Variants in CSRP1 observed in about 807,000 individuals in gnomAD.
The protein encoded by CSRP1 is cysteine and glycine-rich protein 1.
In CSRP1, 16 loss-of-function variants were observed where a neutral mutation model predicts 25.4. The ratio of observed to expected loss-of-function variants is 0.63; its 90% CI spans 0.43 to 0.96. The LOEUF (loss-of-function observed/expected upper bound fraction) is 0.96, where lower values mean the gene tolerates loss of function less well. Among genes scored for constraint, CSRP1 ranks in the 40% least tolerant of loss-of-function variants. CSRP1 has a pLI of 0.00. For missense variants in CSRP1, 212 were observed against 243.6 expected, an observed-to-expected ratio of 0.87 and a Z score of 0.86; for synonymous variants, 97 against 95.3, an observed-to-expected ratio of 1.02 and a Z score of -0.10.
chr1:201,495,310 G>C (rs1318985727), intron 2 of CSRP1, among the ~76,000 whole-genome samples: 5 of 152,202 alleles, frequency 3.3e-5, no homozygotes, highest in Non-Finnish European at 5.9e-5. Context: ...TGAGGTGAGA[G>C]GATCATTTGA....
chr1:201,490,491 G>A, intron 2 of CSRP1, 147 bp from the exon 3 acceptor site: 1 of 781,026 alleles, frequency 1.3e-6, no homozygotes, highest in South Asian at 1.9e-5. Context: ...AATGGAGGCA[G>A]GCGGGATGGC....
Position 201,496,238 on chromosome 1 carries a change from C to G in CSRP1, c.66G>C (p.Glu22Asp). 1 of 1,614,246 alleles carries G rather than the reference C, an allele frequency of 6.2e-7. No homozygotes were observed. The highest frequency in any genetic ancestry group is 1.1e-5 in the South Asian group (1 of 91,086). Residue 22 changes from glutamate (E) to aspartate (D), a missense_variant, in exon 2 of 6, where the codon GAG becomes GAC. Coordinates refer to ENST00000340006, the MANE Select transcript of CSRP1 (RefSeq NM_004078.3). ...GGAAGCTGTTGCCTTCGCACTGAAC[C>G]TCTTCGGCAAAGTAAACCGTCTTCT... The part of the protein sequence containing the change: ...VCQKTVYFAE[E>D]VQCEGNSFHK...
chr1:201,494,094 C>T (rs1356182788), intron 2 of CSRP1, among the ~76,000 whole-genome samples: 2 of 152,036 alleles, frequency 1.3e-5, no homozygotes, highest in East Asian at 1.9e-4. Context: ...CCCCGCACCC[C>T]GCCAAGAGCC....
chr1:201,498,830 T>C lies in CSRP1; in HGVS notation c.-1-2526A>G, dbSNP rs528439410. ...GAGCCTGGCTCCTAGTGGAGGTGCT[T>C]GGTAAGCGTGTGCAGGCTGAGAGGC... On this transcript the variant is annotated intron_variant, in intron 1 of 5. Coordinates refer to ENST00000340006, the MANE Select transcript of CSRP1 (RefSeq NM_004078.3). Among the ~76,000 whole-genome samples the C allele has an allele frequency of 7.2e-5, 11 of 152,292 alleles. No homozygotes were observed. The South Asian group carries it at 2.3e-3, about 32-fold the overall frequency.
rs371899746 is a variant in CSRP1, at chr1:201,503,804, C to G, written c.-2+3266G>C. Reference sequence around the variant, plus strand: ...TTCTCTGCCCTCCCCTCAAGTTTTGCTAGCTCTCTCTTTCTCAAGCACGCT... The same window carrying G: ...TTCTCTGCCCTCCCCTCAAGTTTTGGTAGCTCTCTCTTTCTCAAGCACGCT... On this transcript the variant is annotated intron_variant, in intron 1 of 5. Transcript: ENST00000340006. Among the ~76,000 whole-genome samples, 7 of 152,128 alleles carry G rather than the reference C, an allele frequency of 4.6e-5. No homozygotes were observed. The East Asian group carries it at 9.6e-4, about 21-fold the overall frequency.
intron 1 of CSRP1, 199 bp from the exon 2 acceptor site, chr1:201,496,503 C>A (rs368827071): frequency 2.7e-5 from 16 of 602,400 alleles, no homozygotes; most frequent in African/African-American, 2.4e-4. Flanking sequence ...TTTCCTCCCC[C>A]CAATCTAATC....
chr1:201,501,751 G>A (rs531890811), intron 1 of CSRP1, among the ~76,000 whole-genome samples: 23 of 152,148 alleles, frequency 1.5e-4, no homozygotes, highest in Non-Finnish European at 2.4e-4. Flanking sequence ...CTTGCACTTT[G>A]GGAGGCTGAG....
intron 2 of CSRP1, 131 bp downstream of exon 2, chr1:201,496,061 G>A (rs1035688343): frequency 5.1e-5 from 35 of 691,824 alleles, no homozygotes; most frequent in Non-Finnish European, 6.1e-5. Flanking sequence ...GCCCAGCTGC[G>A]CTTCAGCCAA....
chr1:201,500,722 C>T (rs751264561), intron 1 of CSRP1, among the ~76,000 whole-genome samples: 9 of 152,372 alleles, frequency 5.9e-5, no homozygotes, highest in Admixed American at 1.3e-4. Flanking sequence ...CTGGAGGGAA[C>T]CCTGGCAACA....
chr1:201,493,814 C>A (rs1038004620), intron 2 of CSRP1, among the ~76,000 whole-genome samples: 4 of 152,170 alleles, frequency 2.6e-5, no homozygotes, highest in African/African-American at 9.7e-5. Flanking sequence ...CAGTGGGCAC[C>A]CTGAATGGGG....
chr1:201,499,565 C>T (rs896942637), intron 1 of CSRP1, among the ~76,000 whole-genome samples: 2 of 152,178 alleles, frequency 1.3e-5, no homozygotes, highest in Non-Finnish European at 2.9e-5. Context: ...GGCACCCACA[C>T]TGCCATGGAC....
At chr1:201,501,657 G>A (rs1473404560) in intron 1 of CSRP1, among the ~76,000 whole-genome samples, 1 of 152,102 alleles carries the variant, frequency 6.6e-6, no homozygotes, top group Non-Finnish European at 1.5e-5. Flanking sequence ...AGCAAAAGGA[G>A]AAGAAAAAGG....
intron 1 of CSRP1, among the ~76,000 whole-genome samples, chr1:201,505,554 A>G (rs2210732): frequency 0.59 from 89,605 of 151,744 alleles, 28,194 homozygotes; most frequent in Non-Finnish European, 0.71. Context: ...GGCCTTGCAG[A>G]CAGTTCTCTC....
chr1:201,487,106 A>G (rs1218471954), intron 4 of CSRP1: 3 of 670,494 alleles, frequency 4.5e-6, no homozygotes, highest in Non-Finnish European at 6.9e-6. Context: ...GTACTATCTC[A>G]TTTAATCATT....
chr1:201,503,649 T>C (rs1029713093), intron 1 of CSRP1, among the ~76,000 whole-genome samples: 11 of 152,176 alleles, frequency 7.2e-5, no homozygotes, highest in Non-Finnish European at 1.3e-4. Context: ...CACTTTACCA[T>C]ACATGGGAAT....
chr1:201,500,972 A>G (rs908697923), intron 1 of CSRP1, among the ~76,000 whole-genome samples: 13 of 152,238 alleles, frequency 8.5e-5, no homozygotes, highest in Admixed American at 5.2e-4. Flanking sequence ...GTACAGGTCA[A>G]TGGTTAGGAA....
chr1:201,483,670 C>G lies in CSRP1; in HGVS notation c.*1043G>C. On this transcript the variant is annotated 3_prime_UTR_variant, in exon 6 of 6. Transcript: ENST00000340006. ...GGTGAGGCCCAGCCCTTTCCCCTTC[C>G]TCCCACCACTATTCCTAACCTGGGG... 3.8e-6 allele frequency: 1 copy of G among 265,658 alleles called. No homozygotes were observed. Among genetic ancestry groups the G allele is most frequent in the Non-Finnish European group, 7.4e-6 (1 of 134,904 alleles). 16.5% of individuals were successfully genotyped at this position (265,658 alleles called of 1,614,324 possible).
At position 201,485,293 on chromosome 1, in the gene CSRP1, A is replaced by G. The variant is rs893421678; in HGVS notation, c.495T>C (p.Ile165=). The G allele has an allele frequency of 6.2e-7, 1 of 1,614,100 alleles. No homozygotes were observed. Among genetic ancestry groups the G allele is most frequent in the Non-Finnish European group, 8.5e-7 (1 of 1,179,992 alleles). Reference sequence around the variant, plus strand: ...AGTGAAAACACCCACCTTTGCAGTAAATCTCGCCATCCTTGTCTGCCAGGG... The same window carrying G: ...AGTGAAAACACCCACCTTTGCAGTAGATCTCGCCATCCTTGTCTGCCAGGG... ...STTLADKDGE[I]YCKGCYAKNF... The change falls in exon 5 of 6, where the codon ATT becomes ATC. Residue 165 remains isoleucine (I), a synonymous_variant. Coordinates refer to ENST00000340006, the MANE Select transcript of CSRP1 (RefSeq NM_004078.3).
chr1:201,483,885 T>C lies in CSRP1; in HGVS notation c.*828A>G, dbSNP rs1340414275. ...AGCAGGTGTGGCAAGAACAGAGCCC[T>C]GGCCTGGGCTCTGCTGGCCGCAGCC... On this transcript the variant is annotated 3_prime_UTR_variant, in exon 6 of 6. Coordinates refer to ENST00000340006, the MANE Select transcript of CSRP1 (RefSeq NM_004078.3). 5 of 628,602 alleles carry C rather than the reference T, an allele frequency of 8.0e-6. No individual in the cohort carries two copies. The highest frequency in any genetic ancestry group is 1.5e-5 in the Non-Finnish European group (5 of 336,570). 38.9% of individuals were successfully genotyped at this position (628,602 alleles called of 1,614,324 possible). A position where few individuals can be genotyped will look rare whatever the true frequency, so the allele number is the denominator to read the frequency against.
Sources: allele counts gnomAD v4.1 joint callset (sites outside exome capture counted in the v4.1 genomes callset), GRCh38; gene constraint gnomAD v4.1.1; transcripts MANE v1.5; gene names NCBI Gene and HGNC (gene_info 2026-07-23, HGNC 2026-07-21).